Variants in MARCHF8 observed in about 807,000 individuals in gnomAD.
The protein encoded by MARCHF8 is membrane associated ring-CH-type finger 8, also known as E3 ubiquitin-protein ligase MARCHF8.
MARCHF8 carries 40 observed loss-of-function variants against 51.6 expected under a neutral mutation model. The observed-to-expected ratio is 0.77, with a 90% CI of 0.60 to 1.01. The LOEUF is 1.01. Ranked by LOEUF, MARCHF8 falls within the 50% of genes least tolerant of loss-of-function variation. The probability of loss-of-function intolerance (pLI) is 0.00; values close to 1 mark genes in which losing one functional copy is unlikely to be tolerated. For synonymous variants in MARCHF8, 263 were observed against 280.3 expected (o/e 0.94, Z 0.62); for missense variants, 685 against 708.6 (o/e 0.97, Z 0.38).
At chr10:45,587,404 C>A (rs1489153582) in intron 1 of MARCHF8, among the ~76,000 whole-genome samples, 1 of 151,944 alleles carries the variant, frequency 6.6e-6, no homozygotes, top group African/African-American at 2.4e-5. Context: ...CACTGCAAAA[C>A]TAAAAAACAT....
intron 5 of MARCHF8, among the ~76,000 whole-genome samples, chr10:45,462,771 G>A (rs1472868040): frequency 3.3e-5 from 5 of 151,976 alleles, no homozygotes; most frequent in African/African-American, 4.8e-5. Context: ...GATTACAGGC[G>A]CCCGCCACCA....
intron 1 of MARCHF8, among the ~76,000 whole-genome samples, chr10:45,550,577 A>G (rs1216571921): frequency 6.6e-6 from 1 of 152,170 alleles, no homozygotes; most frequent in Non-Finnish European, 1.5e-5. Context: ...GCAGTAAACC[A>G]GAAAAACCAG....
At chr10:45,584,843 A>C (rs905779245) in intron 1 of MARCHF8, among the ~76,000 whole-genome samples, 2 of 152,190 alleles carry the variant, frequency 1.3e-5, no homozygotes, top group African/African-American at 4.8e-5. Flanking sequence ...AAGATGAAGA[A>C]AGAAAGAGGA....
Position 45,463,289 on chromosome 10 carries a change from GT to G in MARCHF8, c.949del (p.Thr317HisfsTer5). ...MGDDDVFEDS[T>X]SAKLKSRVLR... ...AACCCTACTCTTCAGTTTTGCAGAT[GT>G]GCTGTCCTCAAAGACATCGTCGTCT... On this transcript the variant is annotated frameshift_variant, in exon 5 of 8. Transcript: ENST00000453424. LOFTEE classifies it high-confidence loss of function. 1 of 1,551,018 alleles carries G rather than the reference GT, an allele frequency of 6.4e-7. No homozygotes were observed. Among genetic ancestry groups the G allele is most frequent in the Non-Finnish European group, 8.7e-7 (1 of 1,147,094 alleles).
At position 45,513,335 on chromosome 10, in the gene MARCHF8, C is replaced by T. The variant is rs191118775; in HGVS notation, c.102+19775G>A. On this transcript the variant is annotated intron_variant, in intron 2 of 7. Transcript: ENST00000453424. ...GAAAGACAGTTAATGGTCTTTAGTG[C>T]AGAATGTACTCATTCAGAAACACGT... Among the ~76,000 whole-genome samples, 15 of 152,202 alleles carry T rather than the reference C, an allele frequency of 9.9e-5. No homozygotes were observed. The East Asian group carries it at 2.5e-3, about 25-fold the overall frequency.
At chr10:45,545,901 T>G (rs2044113668) in intron 1 of MARCHF8, among the ~76,000 whole-genome samples, 1 of 152,160 alleles carries the variant, frequency 6.6e-6, no homozygotes, top group Non-Finnish European at 1.5e-5. Flanking sequence ...AGGCTAACCT[T>G]AAGCTATAAA....
At chr10:45,498,321 C>T (rs1415897793) in intron 2 of MARCHF8, among the ~76,000 whole-genome samples, 1 of 152,148 alleles carries the variant, frequency 6.6e-6, no homozygotes, top group Admixed American at 6.5e-5. Flanking sequence ...CTTCCTACCC[C>T]CGAAATATTT....
rs1842846748 is a variant in MARCHF8, at chr10:45,463,145, A to G, written c.1088+6T>C. 2 of 1,544,684 alleles carry G rather than the reference A, an allele frequency of 1.3e-6. No individual in the cohort carries two copies. Among genetic ancestry groups the G allele is most frequent in the Non-Finnish European group, 1.7e-6 (2 of 1,143,314 alleles). ...TGGCTAGAATGGCACTTCCTGGCAA[A>G]CCAACCTGCAGACATCCCCTGACGT... On this transcript the variant is annotated splice_donor_region_variant and intron_variant, in intron 5 of 7. Coordinates refer to ENST00000453424, the MANE Select transcript of MARCHF8 (RefSeq NM_001282866.2).
intron 3 of MARCHF8, among the ~76,000 whole-genome samples, chr10:45,478,502 C>T (rs1400369036): frequency 6.7e-6 from 1 of 148,302 alleles, no homozygotes; most frequent in East Asian, 2.0e-4. Flanking sequence ...AAGTAAAAAC[C>T]AAATCCAAAA....
At chr10:45,532,292 C>T (rs758434570) in intron 2 of MARCHF8, among the ~76,000 whole-genome samples, 1 of 152,192 alleles carries the variant, frequency 6.6e-6, no homozygotes, top group East Asian at 1.9e-4. Context: ...GGGTGTATAT[C>T]AAAAAGAATC....
At chr10:45,488,766 T>C (rs2043030165) in intron 3 of MARCHF8, among the ~76,000 whole-genome samples, 1 of 152,170 alleles carries the variant, frequency 6.6e-6, no homozygotes, top group South Asian at 2.1e-4. Context: ...TTTTGCCTAA[T>C]AAATATGGAG....
intron 2 of MARCHF8, among the ~76,000 whole-genome samples, chr10:45,517,872 G>T (rs2043645612): frequency 6.6e-6 from 1 of 152,146 alleles, no homozygotes; most frequent in African/African-American, 2.4e-5. Context: ...CACAGGCAAG[G>T]ATTTGCAATG....
chr10:45,561,404 A>G (rs1348381419), intron 1 of MARCHF8, among the ~76,000 whole-genome samples: 1 of 151,304 alleles, frequency 6.6e-6, no homozygotes, highest in African/African-American at 2.4e-5. Context: ...CCTCCCAAGT[A>G]GCTGGGATTA....
At chr10:45,578,918 T>C (rs951475340) in intron 1 of MARCHF8, among the ~76,000 whole-genome samples, 4 of 152,166 alleles carry the variant, frequency 2.6e-5, no homozygotes, top group African/African-American at 9.7e-5. Flanking sequence ...GTTAACAAAG[T>C]ACTCCAGATT....
At chr10:45,552,500 G>C (rs934103137) in intron 1 of MARCHF8, among the ~76,000 whole-genome samples, 4 of 152,170 alleles carry the variant, frequency 2.6e-5, no homozygotes, top group Admixed American at 1.3e-4. Flanking sequence ...ATCAGGAATA[G>C]TTTTTAAAGT....
At position 45,463,866 on chromosome 10, in the gene MARCHF8, G is replaced by A. The variant is rs1451841219; in HGVS notation, c.373C>T (p.Gln125Ter). ...CCAAAGGAATTTCTCTTTGACGCCTGTAATGTGTCCTTACAGATAACTGTC... is the reference window on the plus strand; with the variant it reads ...CCAAAGGAATTTCTCTTTGACGCCTATAATGTGTCCTTACAGATAACTGTC... The part of the protein sequence containing the change: ...TVTVICKDTL[Q>*]ASKRNSFGSE... Residue 125 changes from glutamine to a stop codon, truncating the protein, a stop_gained, in exon 5 of 8, where the codon CAG (glutamine) becomes TAG (stop). Transcript: ENST00000453424. LOFTEE classifies it high-confidence loss of function. 3 of 1,539,064 alleles carry A rather than the reference G, an allele frequency of 1.9e-6. No homozygotes were observed. The highest frequency in any genetic ancestry group is 2.7e-5 in the African/African-American group (2 of 73,058).
chr10:45,564,826 G>A (rs1206566514), intron 1 of MARCHF8, among the ~76,000 whole-genome samples: 2 of 151,114 alleles, frequency 1.3e-5, no homozygotes, highest in African/African-American at 4.9e-5. Flanking sequence ...AGGAAGTAAT[G>A]CAACAACATC....
At position 45,566,134 on chromosome 10, in the gene MARCHF8, C is replaced by A. The variant is rs12220197; in HGVS notation, c.-79+28101G>T. Among the ~76,000 whole-genome samples the A allele has an allele frequency of 1.9e-3, 282 of 152,174 alleles. 9 individuals carry two copies. The East Asian group carries it at 0.047, about 25-fold the overall frequency. Reference sequence around the variant, plus strand: ...GCACTGAACAGACTGGAAAAGAACCCTTTCTTAGATTTCTGTGGGCACACA... The same window carrying A: ...GCACTGAACAGACTGGAAAAGAACCATTTCTTAGATTTCTGTGGGCACACA... On this transcript the variant is annotated intron_variant, in intron 1 of 6. Coordinates refer to the MARCHF8 transcript ENST00000319836.
At chr10:45,541,129 A>G (rs1227211249) in intron 1 of MARCHF8, among the ~76,000 whole-genome samples, 1 of 152,250 alleles carries the variant, frequency 6.6e-6, no homozygotes, top group East Asian at 1.9e-4. Context: ...ACGTATGTTT[A>G]TTGCGGCACT....
Sources: gnomAD v4.1 joint callset for allele counts (sites outside exome capture counted in the v4.1 genomes callset) on GRCh38, gnomAD v4.1.1 for gene constraint, MANE v1.5 for transcripts, NCBI Gene and HGNC (gene_info 2026-07-23, HGNC 2026-07-21) for gene names.